Variants in SOCS7 observed in about 807,000 individuals in gnomAD.
SOCS7 encodes the protein NAP-4.
SOCS7 carries 18 observed loss-of-function variants against 58.9 expected under a neutral mutation model. The observed-to-expected ratio is 0.31, with a 90% CI of 0.21 to 0.45. SOCS7 has a LOEUF of 0.45. Among genes scored for constraint, SOCS7 ranks in the 20% least tolerant of loss-of-function variants. SOCS7 has a pLI of 1.00. For synonymous variants in SOCS7, 388 were observed against 364.3 expected (o/e 1.06, Z -0.74); for missense variants, 667 against 837.3 (o/e 0.80, Z 2.51).
Position 38,402,005 on chromosome 17 carries a change from CCT to C in SOCS7, c.*2524_*2525del, listed in dbSNP as rs1555572188. Reference sequence around the variant, plus strand: ...TGAGGGAGGCAGAGCCTCTGCACCCCCTGTGTTACTGGGGTTTCTTCTGGAGA... The same window carrying C: ...TGAGGGAGGCAGAGCCTCTGCACCCCGTGTTACTGGGGTTTCTTCTGGAGA... On this transcript the variant is annotated 3_prime_UTR_variant, in exon 10 of 10. Coordinates refer to ENST00000612932, the MANE Select transcript of SOCS7 (RefSeq NM_014598.4). The C allele has an allele frequency of 2.6e-5, 4 of 152,238 alleles. No homozygotes were observed. Among genetic ancestry groups the C allele is most frequent in the Non-Finnish European group, 5.9e-5 (4 of 68,082 alleles). The allele number at this position is 152,238 out of a possible 1,614,324, so 9.4% of individuals were successfully genotyped here.
intron 6 of SOCS7, among the ~76,000 whole-genome samples, chr17:38,376,646 C>G (rs565590088): frequency 6.6e-6 from 1 of 151,890 alleles, no homozygotes; most frequent in South Asian, 2.1e-4. Context: ...GCGGGAGAAT[C>G]ACTTGAACCC....
chr17:38,368,679 T>G (rs1478439253), intron 6 of SOCS7, among the ~76,000 whole-genome samples: 1 of 152,138 alleles, frequency 6.6e-6, no homozygotes, highest in East Asian at 1.9e-4. Context: ...TTTTTGTATT[T>G]TTAGTAGAAA....
At chr17:38,385,319 A>G (rs2144376850) in intron 7 of SOCS7, among the ~76,000 whole-genome samples, 1 of 152,026 alleles carries the variant, frequency 6.6e-6, no homozygotes, top group African/African-American at 2.4e-5. Context: ...GACGTTGTTT[A>G]ATATGTTCCT....
chr17:38,389,329 G>C (rs2038120259), intron 7 of SOCS7, among the ~76,000 whole-genome samples: 2 of 152,216 alleles, frequency 1.3e-5, no homozygotes, highest in South Asian at 4.1e-4. Flanking sequence ...GCCAGGGCAG[G>C]AGGATTGCTT....
chr17:38,376,323 C>A (rs890163655), intron 6 of SOCS7, among the ~76,000 whole-genome samples: 16 of 152,130 alleles, frequency 1.1e-4, no homozygotes, highest in African/African-American at 3.9e-4. Context: ...TTTCACCTTA[C>A]ACGCACATCT....
At chr17:38,365,709 C>A in intron 4 of SOCS7, 2 of 286,658 alleles carry the variant, frequency 7.0e-6, no homozygotes, top group Non-Finnish European at 1.3e-5. Context: ...TAAGAAACTG[C>A]CTTAATTTCA....
chr17:38,396,118 G>A, intron 9 of SOCS7, 120 bp downstream of exon 9: 1 of 800,212 alleles, frequency 1.2e-6, no homozygotes, highest in Non-Finnish European at 1.8e-6. Context: ...CCAGGCATTT[G>A]CCCATAGAAT....
At chr17:38,366,193 T>C in intron 4 of SOCS7, 94 bp from the exon 5 acceptor site, 1 of 1,525,052 alleles carries the variant, frequency 6.6e-7, no homozygotes, top group Non-Finnish European at 8.9e-7. Flanking sequence ...TGCCTTGCCC[T>C]CTTCAGTTAG....
At chr17:38,360,976 A>G (rs1555567483) in intron 1 of SOCS7, among the ~76,000 whole-genome samples, 2 of 152,294 alleles carry the variant, frequency 1.3e-5, no homozygotes, top group Non-Finnish European at 2.9e-5. Context: ...AAGCCACTTG[A>G]AAGTGTGGTA....
intron 9 of SOCS7, among the ~76,000 whole-genome samples, chr17:38,397,918 G>A (rs140577920): frequency 2.0e-5 from 3 of 152,202 alleles, no homozygotes; most frequent in East Asian, 1.9e-4. Flanking sequence ...CATTTCAGCC[G>A]ATACCCAAAT....
intron 7 of SOCS7, among the ~76,000 whole-genome samples, chr17:38,387,831 GT>G (rs1555570846): frequency 1.4e-5 from 2 of 144,830 alleles, no homozygotes; most frequent in Non-Finnish European, 3.0e-5. Flanking sequence ...GTGCAGTGGC[GT>G]GATCTTGGCT....
chr17:38,378,263 C>T (rs1183479202), intron 7 of SOCS7, among the ~76,000 whole-genome samples: 5 of 152,066 alleles, frequency 3.3e-5, no homozygotes, highest in East Asian at 1.9e-4. Flanking sequence ...TATGGCTAGG[C>T]GTGGTGGCTC....
At chr17:38,394,298 G>T (rs1460974051) in intron 7 of SOCS7, among the ~76,000 whole-genome samples, 2 of 152,210 alleles carry the variant, frequency 1.3e-5, no homozygotes. Flanking sequence ...TTGCCCAAGC[G>T]ATTGTAGTTG....
intron 6 of SOCS7, among the ~76,000 whole-genome samples, chr17:38,369,352 A>T (rs1332445215): frequency 6.6e-6 from 1 of 152,192 alleles, no homozygotes; most frequent in South Asian, 2.1e-4. Flanking sequence ...AGGTCAGCAT[A>T]GCTTTGTCCA....
chr17:38,371,277 C>CA (rs1343128797), intron 6 of SOCS7, among the ~76,000 whole-genome samples: 3 of 138,898 alleles, frequency 2.2e-5, no homozygotes, highest in African/African-American at 8.0e-5. Flanking sequence ...CCATGCCCAA[C>CA]TTTTTTTTTT....
chr17:38,387,472 A>G (rs1387704035), intron 7 of SOCS7, among the ~76,000 whole-genome samples: 1 of 143,586 alleles, frequency 7.0e-6, no homozygotes, highest in Non-Finnish European at 1.5e-5. Context: ...TATACACAAT[A>G]TATAGTATAT....
At position 38,352,128 on chromosome 17, in the gene SOCS7, G is replaced by T. The variant is rs1720689004; in HGVS notation, c.76G>T (p.Gly26Cys). Residue 26 changes from glycine to cysteine, a missense_variant, in exon 1 of 10, where the codon GGC becomes TGC. By Grantham distance (159) the Gly-to-Cys change is radical. Around this residue, in one of 9 missense-constraint regions of SOCS7, gnomAD observed 65 missense variants for 51.0 expected, o/e 1.27. Transcript: ENST00000612932. This position sits in a 1 kb window ranked among gnomAD's most constrained non-coding sequence, Gnocchi z 5.5. ...ASYRVLSRLL[G>C]YGEAAPEPGP... is the part of the protein sequence containing the mutation. Reference sequence around the variant, plus strand: ...GTACCGCGTCCTGAGCCGCCTCCTTGGCTATGGAGAGGCGGCCCCCGAGCC... The same window carrying T: ...GTACCGCGTCCTGAGCCGCCTCCTTTGCTATGGAGAGGCGGCCCCCGAGCC... 1.0e-6 allele frequency: 1 copy of T among 987,514 alleles called. No individual in the cohort carries two copies. Among genetic ancestry groups the T allele is most frequent in the Non-Finnish European group, 1.3e-6 (1 of 771,674 alleles). 61.2% of individuals were successfully genotyped at this position (987,514 alleles called of 1,614,324 possible).
intron 2 of SOCS7, among the ~76,000 whole-genome samples, chr17:38,364,306 T>C (rs1166882494): frequency 6.6e-6 from 1 of 152,258 alleles, no homozygotes; most frequent in African/African-American, 2.4e-5. Context: ...TGCATTCAGC[T>C]TACCGTACAG....
Position 38,352,609 on chromosome 17 carries a change from C to T in SOCS7, c.557C>T (p.Ser186Leu). 6.5e-7 allele frequency: 1 copy of T among 1,550,032 alleles called. No individual in the cohort carries two copies. Residue 186 changes from serine to leucine, a missense_variant, in exon 1 of 10, where the codon TCG (serine) becomes TTG (leucine). By Grantham distance (145) the Ser-to-Leu change is moderately radical. Around this residue, in one of 9 missense-constraint regions of SOCS7, gnomAD observed 208 missense variants for 190.3 expected, o/e 1.09. Transcript: ENST00000612932. The surrounding 1 kb of genome is among the most constrained non-coding windows in gnomAD (Gnocchi z 5.5). Reference protein sequence around the residue: ...DALLVLEGLESEAESLETNSC... With the variant: ...DALLVLEGLELEAESLETNSC... ...CTGCTGGTCCTGGAGGGCTTGGAAT[C>T]GGAGGCCGAGAGCCTGGAGACTAAC...
Sources: allele counts gnomAD v4.1 joint callset (sites outside exome capture counted in the v4.1 genomes callset), GRCh38; gene constraint gnomAD v4.1.1; regional missense constraint gnomAD v4.1.1; non-coding constraint Gnocchi (gnomAD v3.1); transcripts MANE v1.5; gene names NCBI Gene and HGNC (gene_info 2026-07-23, HGNC 2026-07-21).